Variants in SGCZ observed in about 807,000 individuals in gnomAD.
SGCZ encodes the protein zeta-sarcoglycan.
Under a neutral mutation model 41.3 loss-of-function variants are expected in SGCZ, and 40 were observed. The observed-to-expected ratio is 0.97, with a 90% CI of 0.75 to 1.26. SGCZ has a LOEUF of 1.26. SGCZ is among the 50% of genes most tolerant of loss of function. The pLI is 0.00. For synonymous variants in SGCZ, 206 were observed against 137.5 expected, an observed-to-expected ratio of 1.50 and a Z score of -3.49; for missense variants, 552 against 369.8, an observed-to-expected ratio of 1.49 and a Z score of -4.04.
chr8:14,368,829 G>T (rs1245273059), intron 2 of SGCZ, among the ~76,000 whole-genome samples: 2 of 151,422 alleles, frequency 1.3e-5, no homozygotes, highest in Non-Finnish European at 2.9e-5. Flanking sequence ...GTATACAATT[G>T]CAGCAAAAAA....
intron 2 of SGCZ, among the ~76,000 whole-genome samples, chr8:14,380,092 T>A (rs1306180772): frequency 9.2e-5 from 14 of 152,130 alleles, no homozygotes; most frequent in East Asian, 1.9e-4. Flanking sequence ...TATCAGGGCA[T>A]TTATATTTTA....
intron 1 of SGCZ, among the ~76,000 whole-genome samples, chr8:15,000,124 C>A (rs972971322): frequency 1.4e-4 from 21 of 152,122 alleles, no homozygotes; most frequent in Admixed American, 1.4e-3. Flanking sequence ...CAGGGGTACA[C>A]TGACAAAGAA....
At chr8:14,584,454 A>G (rs1225617388) in intron 1 of SGCZ, among the ~76,000 whole-genome samples, 1 of 152,108 alleles carries the variant, frequency 6.6e-6, no homozygotes, top group Non-Finnish European at 1.5e-5. Context: ...TTAACAGAGA[A>G]TACAGGAGGA....
intron 1 of SGCZ, among the ~76,000 whole-genome samples, chr8:15,004,932 T>C (rs964404269): frequency 6.6e-6 from 1 of 152,168 alleles, no homozygotes; most frequent in African/African-American, 2.4e-5. Flanking sequence ...CCCCCAATTC[T>C]GAATCAGCAT....
chr8:15,052,361 G>C (rs1385570094), intron 1 of SGCZ, among the ~76,000 whole-genome samples: 1 of 152,198 alleles, frequency 6.6e-6, no homozygotes, highest in Non-Finnish European at 1.5e-5. Flanking sequence ...AAGCAGGTTA[G>C]AAATCCCAAA....
chr8:14,697,681 A>G (rs908540746), intron 1 of SGCZ, among the ~76,000 whole-genome samples: 1 of 151,956 alleles, frequency 6.6e-6, no homozygotes, highest in Non-Finnish European at 1.5e-5. Context: ...TCACCTTCTC[A>G]TTGCCAATTA....
intron 1 of SGCZ, among the ~76,000 whole-genome samples, chr8:15,176,604 A>C (rs1008939994): frequency 6.6e-6 from 1 of 152,226 alleles, no homozygotes; most frequent in African/African-American, 2.4e-5. Context: ...CACCTTACTG[A>C]ACAATTTAAA....
At chr8:14,827,451 G>C (rs1410803183) in intron 1 of SGCZ, among the ~76,000 whole-genome samples, 1 of 151,976 alleles carries the variant, frequency 6.6e-6, no homozygotes, top group Non-Finnish European at 1.5e-5. Context: ...TGGCCAGGCT[G>C]TTCTCAAACT....
intron 5 of SGCZ, among the ~76,000 whole-genome samples, chr8:14,118,208 A>G (rs1441416072): frequency 2.6e-5 from 4 of 152,230 alleles, no homozygotes; most frequent in African/African-American, 9.6e-5. Flanking sequence ...CAACAGTGTA[A>G]AAGTGTTCCT....
intron 5 of SGCZ, among the ~76,000 whole-genome samples, chr8:14,147,944 C>T (rs780148620): frequency 3.3e-5 from 5 of 152,030 alleles, no homozygotes; most frequent in Non-Finnish European, 5.9e-5. Context: ...ACCATGTGCT[C>T]CTCAATGATC....
chr8:14,181,456 C>G (rs974952041), intron 4 of SGCZ, among the ~76,000 whole-genome samples: 1 of 152,156 alleles, frequency 6.6e-6, no homozygotes, highest in Non-Finnish European at 1.5e-5. Flanking sequence ...AGGTGGGCAT[C>G]CCCCATCCCC....
intron 1 of SGCZ, among the ~76,000 whole-genome samples, chr8:15,093,467 T>A (rs1415187190): frequency 6.6e-6 from 1 of 152,242 alleles, no homozygotes; most frequent in East Asian, 1.9e-4. Context: ...GATAATTTTG[T>A]AGTATAATCA....
intron 1 of SGCZ, among the ~76,000 whole-genome samples, chr8:15,066,432 C>G (rs572722864): frequency 4.0e-5 from 6 of 151,680 alleles, no homozygotes; most frequent in African/African-American, 1.4e-4. Flanking sequence ...TTCCAATAGT[C>G]TAATTCTAAT....
chr8:14,715,553 C>G (rs1398011918), intron 1 of SGCZ, among the ~76,000 whole-genome samples: 1 of 140,934 alleles, frequency 7.1e-6, no homozygotes, highest in African/African-American at 2.8e-5. Flanking sequence ...CACACACACA[C>G]ACACACAAAC....
In SGCZ at chr8:14,458,616, G is replaced by T. The variant is rs185177151; in HGVS notation, c.234+96116C>A. ...AAATACAGATAAATACATAGATAAG[G>T]AAATAAATAAAGCTGTGTAGCAACA... On this transcript the variant is annotated intron_variant, in intron 2 of 7. Transcript: ENST00000382080. Among the ~76,000 whole-genome samples, 23 of 152,164 alleles carry T rather than the reference G, an allele frequency of 1.5e-4. No individual in the cohort carries two copies. The East Asian group carries it at 4.4e-3, about 29-fold the overall frequency.
intron 1 of SGCZ, among the ~76,000 whole-genome samples, chr8:14,793,135 C>G (rs1801010078): frequency 6.6e-6 from 1 of 152,152 alleles, no homozygotes; most frequent in Admixed American, 6.6e-5. Flanking sequence ...ATTTAAAACT[C>G]TAGTCTCTCT....
intron 2 of SGCZ, among the ~76,000 whole-genome samples, chr8:14,418,095 G>C (rs111823830): frequency 6.6e-6 from 1 of 151,912 alleles, no homozygotes; most frequent in Non-Finnish European, 1.5e-5. Flanking sequence ...CAAGGTGAAT[G>C]AGTAAAGACA....
At position 14,129,226 on chromosome 8, in the gene SGCZ, C is replaced by T. The variant is rs572657547; in HGVS notation, c.548-20991G>A. On this transcript the variant is annotated intron_variant, in intron 5 of 7. Transcript: ENST00000382080. ...CTGGGTGTGGTGGCAGGTGCCTGTA[C>T]TCCCAGCTACTCAGGAGGCAGAGAG... 6.6e-5 allele frequency among the ~76,000 whole-genome samples: 10 copies of T among 151,426 alleles called. No individual in the cohort carries two copies. The East Asian group carries it at 1.8e-3, about 27-fold the overall frequency.
At chr8:14,841,572 C>T (rs1321088815) in intron 1 of SGCZ, among the ~76,000 whole-genome samples, 1 of 152,046 alleles carries the variant, frequency 6.6e-6, no homozygotes, top group Non-Finnish European at 1.5e-5. Context: ...AGAAAAAATA[C>T]ATTTTATACC....
Sources: allele counts gnomAD v4.1 joint callset (sites outside exome capture counted in the v4.1 genomes callset), GRCh38; gene constraint gnomAD v4.1.1; transcripts MANE v1.5; gene names NCBI Gene and HGNC (gene_info 2026-07-23, HGNC 2026-07-21).